Variants in BCAR3 observed in about 807,000 individuals in gnomAD.
The protein encoded by BCAR3 is breast cancer anti-estrogen resistance protein 3.
BCAR3 carries 37 observed loss-of-function variants against 80.1 expected under a neutral mutation model. That is an observed-to-expected ratio of 0.46 (90% confidence interval 0.36 to 0.61). The LOEUF is 0.61. Ranked by LOEUF, BCAR3 falls within the 20% of genes least tolerant of loss-of-function variation. The pLI, the probability that BCAR3 is intolerant of heterozygous loss-of-function variation, is 0.00. For synonymous variants in BCAR3, 389 were observed against 418.9 expected, an observed-to-expected ratio of 0.93 and a Z score of 0.87; for missense variants, 978 against 1,068.2, an observed-to-expected ratio of 0.92 and a Z score of 1.18.
chr1:93,651,815 T>C (rs1346513022), intron 2 of BCAR3, among the ~76,000 whole-genome samples: 1 of 152,112 alleles, frequency 6.6e-6, no homozygotes. Flanking sequence ...CTCCCCCTTT[T>C]ATAAAAGGGA....
chr1:93,751,228 C>G (rs542504293), intron 2 of BCAR3, among the ~76,000 whole-genome samples: 1 of 152,306 alleles, frequency 6.6e-6, no homozygotes, highest in East Asian at 1.9e-4. Flanking sequence ...GATACCTCGG[C>G]TTGGCTTAAC....
At position 93,566,613 on chromosome 1, in the gene BCAR3, A is replaced by AGGG. The variant is rs548212577; in HGVS notation, c.2299+665_2299+666insCCC. Among the ~76,000 whole-genome samples, 30 of 152,258 alleles carry AGGG rather than the reference A, an allele frequency of 2.0e-4. 1 individual carries two copies. In the East Asian group the frequency reaches 5.6e-3, roughly 29 times the overall value. On this transcript the variant is annotated intron_variant, in intron 11 of 11. Coordinates refer to ENST00000260502, the MANE Select transcript of BCAR3 (RefSeq NM_003567.4). ...CTAAGAGCAGGGGAGCTCACTTCCCAGTGTGACTGGGAAGGAACAGGAATG... is the reference window on the plus strand; with the variant it reads ...CTAAGAGCAGGGGAGCTCACTTCCCAGGGGTGTGACTGGGAAGGAACAGGAATG...
At chr1:93,807,842 T>A (rs893688436) in intron 2 of BCAR3, among the ~76,000 whole-genome samples, 1 of 151,972 alleles carries the variant, frequency 6.6e-6, no homozygotes, top group Non-Finnish European at 1.5e-5. Context: ...CAGGTCAGCC[T>A]TGGCAACATA....
chr1:93,815,207 G>A (rs921366212), intron 2 of BCAR3, among the ~76,000 whole-genome samples: 9 of 152,176 alleles, frequency 5.9e-5, no homozygotes, highest in African/African-American at 2.2e-4. Context: ...CCTCCCAGGT[G>A]GCCCAGAGCT....
At chr1:93,780,504 C>T (rs909379923) in intron 2 of BCAR3, among the ~76,000 whole-genome samples, 2 of 151,488 alleles carry the variant, frequency 1.3e-5, no homozygotes, top group Non-Finnish European at 2.9e-5. Context: ...AATCAAGTGG[C>T]CCAAAGCACA....
intron 3 of BCAR3, among the ~76,000 whole-genome samples, chr1:93,692,527 C>T (rs1047530585): frequency 6.6e-6 from 1 of 152,196 alleles, no homozygotes; most frequent in Admixed American, 6.5e-5. Context: ...CAGCCCAGGG[C>T]TAAGAACTTT....
chr1:93,644,287 C>T (rs1351143066), intron 2 of BCAR3, among the ~76,000 whole-genome samples: 1 of 152,240 alleles, frequency 6.6e-6, no homozygotes, highest in Non-Finnish European at 1.5e-5. Flanking sequence ...CATCTGTTGT[C>T]TCTAAGGACA....
At chr1:93,803,819 T>G (rs996055494) in intron 2 of BCAR3, among the ~76,000 whole-genome samples, 2 of 152,204 alleles carry the variant, frequency 1.3e-5, no homozygotes, top group African/African-American at 4.8e-5. Context: ...AGGCACAGTA[T>G]TTATATGTTT....
chr1:93,831,272 C>T (rs555974180), intron 2 of BCAR3, among the ~76,000 whole-genome samples: 1 of 152,256 alleles, frequency 6.6e-6, no homozygotes, highest in Admixed American at 6.5e-5. Context: ...TTAAACTTAC[C>T]TCCTTCACTA....
chr1:93,614,771 T>C (rs1297248986), intron 3 of BCAR3, among the ~76,000 whole-genome samples: 2 of 152,160 alleles, frequency 1.3e-5, no homozygotes, highest in Non-Finnish European at 2.9e-5. Flanking sequence ...CTCAACTGTT[T>C]GTCCTATACC....
chr1:93,638,362 T>C (rs1675863737), intron 3 of BCAR3, among the ~76,000 whole-genome samples: 3 of 152,214 alleles, frequency 2.0e-5, no homozygotes. Flanking sequence ...GGAGCTGTTA[T>C]CATTTATTAA....
chr1:93,629,309 G>C (rs1024288223), intron 3 of BCAR3, among the ~76,000 whole-genome samples: 2 of 152,064 alleles, frequency 1.3e-5, no homozygotes, highest in Non-Finnish European at 2.9e-5. Context: ...CTGCCAAGCC[G>C]AGATGTTTTT....
At chr1:93,722,138 G>A (rs944208687) in intron 2 of BCAR3, among the ~76,000 whole-genome samples, 5 of 152,116 alleles carry the variant, frequency 3.3e-5, no homozygotes, top group Non-Finnish European at 5.9e-5. Context: ...GGCCATGGCC[G>A]GTGGCTAAGG....
At chr1:93,834,355 C>T (rs1328014092) in intron 2 of BCAR3, among the ~76,000 whole-genome samples, 1 of 152,040 alleles carries the variant, frequency 6.6e-6, no homozygotes, top group Non-Finnish European at 1.5e-5. Flanking sequence ...TCCCTCAATA[C>T]CTCCCTCCAC....
intron 11 of BCAR3, among the ~76,000 whole-genome samples, chr1:93,564,461 A>G (rs1672853570): frequency 6.6e-6 from 1 of 151,882 alleles, no homozygotes; most frequent in Non-Finnish European, 1.5e-5. Context: ...TATTTTTAGT[A>G]GAGACGGGGT....
intron 2 of BCAR3, among the ~76,000 whole-genome samples, chr1:93,719,193 A>G (rs1245824513): frequency 1.3e-5 from 2 of 151,558 alleles, no homozygotes; most frequent in Admixed American, 6.6e-5. Context: ...AGAGCCCACT[A>G]CTCTGGAAGG....
chr1:93,770,948 G>A (rs916505659), intron 2 of BCAR3, among the ~76,000 whole-genome samples: 16 of 152,076 alleles, frequency 1.1e-4, no homozygotes, highest in African/African-American at 3.9e-4. Context: ...AAGCTCTGAG[G>A]AACTTCTGAG....
intron 2 of BCAR3, among the ~76,000 whole-genome samples, chr1:93,650,175 A>C (rs375951134): frequency 3.2e-3 from 482 of 152,328 alleles, no homozygotes; most frequent in Non-Finnish European, 5.6e-3. Flanking sequence ...ACTTGAGGTC[A>C]CGAGTTCGAG....
At chr1:93,822,333 C>T (rs572312634) in intron 2 of BCAR3, among the ~76,000 whole-genome samples, 115 of 145,254 alleles carry the variant, frequency 7.9e-4, no homozygotes, top group Middle Eastern at 6.8e-3. Flanking sequence ...CTCACCATCT[C>T]GCATGGCTAA....
Sources: gnomAD v4.1 joint callset for allele counts (sites outside exome capture counted in the v4.1 genomes callset) on GRCh38, gnomAD v4.1.1 for gene constraint, MANE v1.5 for transcripts, NCBI Gene and HGNC (gene_info 2026-07-23, HGNC 2026-07-21) for gene names.